Variants in DPP6 observed in about 807,000 individuals in gnomAD.
The protein encoded by DPP6 is dipeptidyl peptidase like 6.
DPP6 carries 69 observed loss-of-function variants against 122.6 expected under a neutral mutation model. That is an observed-to-expected ratio of 0.56 (90% confidence interval 0.46 to 0.69). The LOEUF (loss-of-function observed/expected upper bound fraction) is 0.69. Among genes scored for constraint, DPP6 ranks in the 30% least tolerant of loss-of-function variants. The pLI, the probability that DPP6 is intolerant of heterozygous loss-of-function variation, is 0.00. For missense variants in DPP6, 928 were observed against 1,116.9 expected (o/e 0.83, Z 2.41); for synonymous variants, 418 against 433.1 (o/e 0.97, Z 0.43).
chr7:154,648,684 CCAAGGTGGGTGGATCA>C (rs1453404906), intron 6 of DPP6, among the ~76,000 whole-genome samples: 2 of 152,056 alleles, frequency 1.3e-5, no homozygotes, highest in South Asian at 4.1e-4. Flanking sequence ...CTTTCGGAGG[CCAAGGTGGGTGGATCA>C]CAAGGTCAAG....
chr7:154,390,785 C>A (rs944290695), intron 1 of DPP6, among the ~76,000 whole-genome samples: 1 of 151,988 alleles, frequency 6.6e-6, no homozygotes, highest in South Asian at 2.1e-4. Flanking sequence ...GCATTCATGA[C>A]CCCCATCCTG....
At position 153,970,054 on chromosome 7, in the gene DPP6, A is replaced by G. The variant is rs1795951432; in HGVS notation, c.51+82320A>G. Among the ~76,000 whole-genome samples the G allele has an allele frequency of 3.3e-5, 5 of 152,230 alleles. No homozygotes were observed. In the South Asian group the frequency reaches 1.0e-3, roughly 32 times the overall value. ...TATTATGTAGAATTTCGTTATATGG[A>G]CATAACTCAGCGTGTTGATCCATTC... On this transcript the variant is annotated intron_variant, in intron 1 of 25. Transcript: ENST00000404039.
intron 2 of DPP6, among the ~76,000 whole-genome samples, chr7:154,474,402 G>A: frequency 6.6e-6 from 1 of 152,196 alleles, no homozygotes; most frequent in East Asian, 1.9e-4. Context: ...GGTAGTCTGT[G>A]TACAGATAAT....
chr7:154,755,161 AAAAG>A lies in DPP6; in HGVS notation c.884-14252_884-14249del, dbSNP rs1242358650. ...AGTAAAATAAATTAAAAAAAAAAAA[AAAAG>A]AAACTGAACACATGTCAGGAGCTGA... On this transcript the variant is annotated intron_variant, in intron 8 of 25. Transcript: ENST00000377770. This position sits in a 1 kb window ranked among gnomAD's most constrained non-coding sequence, Gnocchi z 4.7. Among the ~76,000 whole-genome samples, 2 of 151,748 alleles carry A rather than the reference AAAAG, an allele frequency of 1.3e-5. No individual in the cohort carries two copies. The highest frequency in any genetic ancestry group is 2.1e-4 in the South Asian group (1 of 4,800).
intron 8 of DPP6, among the ~76,000 whole-genome samples, chr7:154,765,193 T>C (rs1043227897): frequency 7.2e-5 from 11 of 152,172 alleles, no homozygotes; most frequent in African/African-American, 2.7e-4. Flanking sequence ...CAGGATTTCC[T>C]CTCTTCTAGC....
At chr7:154,193,658 T>A (rs1164051020) in intron 1 of DPP6, among the ~76,000 whole-genome samples, 1 of 152,116 alleles carries the variant, frequency 6.6e-6, no homozygotes, top group Non-Finnish European at 1.5e-5. Context: ...AGAGTGCTCC[T>A]CTTCTCATGG....
chr7:154,193,555 G>C (rs1005793473), intron 1 of DPP6, among the ~76,000 whole-genome samples: 2 of 152,152 alleles, frequency 1.3e-5, no homozygotes, highest in African/African-American at 4.8e-5. Context: ...CTGAGTCTCA[G>C]GACCGCAGGG....
At chr7:153,808,065 A>G in the DPP6 span, among the ~76,000 whole-genome samples, 6 of 152,096 alleles carry the variant, frequency 3.9e-5, no homozygotes, top group Admixed American at 2.0e-4. Context: ...AGCTTTGTTA[A>G]CGTATGACAA....
chr7:154,286,167 G>A (rs75689191), intron 1 of DPP6, among the ~76,000 whole-genome samples: 5,195 of 152,254 alleles, frequency 0.034, 302 homozygotes, highest in African/African-American at 0.12. Flanking sequence ...GAGATTTTAA[G>A]GAGTGGGATG....
chr7:153,866,402 A>G, the DPP6 span, among the ~76,000 whole-genome samples: 1 of 152,214 alleles, frequency 6.6e-6, no homozygotes, highest in Non-Finnish European at 1.5e-5. Flanking sequence ...TCTGATGGCC[A>G]GTGATGATGA....
chr7:154,608,640 A>G (rs1355761305), intron 5 of DPP6, among the ~76,000 whole-genome samples: 2 of 151,764 alleles, frequency 1.3e-5, no homozygotes, highest in African/African-American at 4.8e-5. Context: ...CCGGCCGATC[A>G]TATGTTCTTT....
At chr7:153,763,851 C>A in the DPP6 span, among the ~76,000 whole-genome samples, 16 of 152,292 alleles carry the variant, frequency 1.1e-4, no homozygotes, top group East Asian at 2.9e-3. Flanking sequence ...GTATAGGCAT[C>A]TATTTTCTTG....
chr7:154,476,332 TTG>T (rs1469347305), intron 3 of DPP6, among the ~76,000 whole-genome samples: 1 of 152,240 alleles, frequency 6.6e-6, no homozygotes, highest in Admixed American at 6.5e-5. Context: ...AGAGGTCTTT[TTG>T]TTTGGTGGAG....
intron 1 of DPP6, among the ~76,000 whole-genome samples, chr7:154,343,907 G>A (rs977684852): frequency 6.6e-6 from 1 of 152,180 alleles, no homozygotes; most frequent in African/African-American, 2.4e-5. Context: ...GTAGAGACGG[G>A]GTTTCACCGT....
At chr7:154,031,079 C>G (rs1165943288) in intron 1 of DPP6, among the ~76,000 whole-genome samples, 1 of 152,074 alleles carries the variant, frequency 6.6e-6, no homozygotes, top group Non-Finnish European at 1.5e-5. Flanking sequence ...TATTACCTCT[C>G]CCTGGCTATT....
At chr7:154,621,532 C>G (rs1029955273) in intron 5 of DPP6, among the ~76,000 whole-genome samples, 1 of 149,470 alleles carries the variant, frequency 6.7e-6, no homozygotes, top group Non-Finnish European at 1.5e-5. Context: ...CCACACCCAG[C>G]TAATTTTTGT....
chr7:153,934,554 CTTA>C, intron 1 of DPP6, among the ~76,000 whole-genome samples: 1 of 152,288 alleles, frequency 6.6e-6, no homozygotes, highest in East Asian at 1.9e-4. Flanking sequence ...TCTTTCCCAA[CTTA>C]TTATAGTTCT....
intron 1 of DPP6, among the ~76,000 whole-genome samples, chr7:154,139,989 A>C (rs186244731): frequency 1.3e-4 from 20 of 152,280 alleles, no homozygotes; most frequent in African/African-American, 3.6e-4. Context: ...TGCCCCACAA[A>C]ATTTAAAGCA....
chr7:154,574,768 G>T (rs1831404631), intron 5 of DPP6, among the ~76,000 whole-genome samples: 1 of 136,096 alleles, frequency 7.3e-6, no homozygotes, highest in Admixed American at 7.6e-5. Flanking sequence ...GTGTATATGT[G>T]TGTGGTGCAT....
Sources: allele counts gnomAD v4.1 joint callset (sites outside exome capture counted in the v4.1 genomes callset), GRCh38; gene constraint gnomAD v4.1.1; non-coding constraint Gnocchi (gnomAD v3.1); transcripts MANE v1.5; gene names NCBI Gene and HGNC (gene_info 2026-07-23, HGNC 2026-07-21).